The following NPAT variants were observed in gnomAD, a reference collection of about 807,000 sequenced individuals.
The protein encoded by NPAT is protein NPAT.
A neutral mutation model predicts 130.7 loss-of-function variants in NPAT; 52 were observed. The ratio of observed to expected loss-of-function variants is 0.40; its 90% confidence interval spans 0.32 to 0.50. The LOEUF is 0.50. Ranked by LOEUF, NPAT falls within the 20% of genes least tolerant of loss-of-function variation. The probability of loss-of-function intolerance (pLI) is 0.68; values close to 1 mark genes in which losing one functional copy is unlikely to be tolerated. For missense variants in NPAT, 1,687 were observed against 1,662.6 expected, an observed-to-expected ratio of 1.01 and a Z score of -0.26; for synonymous variants, 580 against 584.8, an observed-to-expected ratio of 0.99 and a Z score of 0.12.
intron 10 of NPAT, among the ~76,000 whole-genome samples, chr11:108,183,716 C>G (rs940045633): frequency 6.6e-6 from 1 of 152,124 alleles, no homozygotes; most frequent in Admixed American, 6.6e-5. Flanking sequence ...GCAGGAGAAT[C>G]GTTTGAACTC....
chr11:108,209,820 C>T lies in NPAT; in HGVS notation c.38-12400G>A, dbSNP rs552647379. 1.3e-4 allele frequency among the ~76,000 whole-genome samples: 18 copies of T among 139,734 alleles called. 1 individual carries two copies. Among genetic ancestry groups the T allele is most frequent in the African/African-American group, 4.9e-4 (18 of 36,770 alleles). The allele number at this position is 139,734 out of a possible 152,430, so 91.7% of individuals were successfully genotyped here. ...AGGAGAATGGCATGAACCTGGGAGG[C>T]AGAGCTTGCAGTGAGCGGAGATCAT... On this transcript the variant is annotated intron_variant, in intron 1 of 17. Coordinates refer to ENST00000278612, the MANE Select transcript of NPAT (RefSeq NM_002519.3).
In NPAT at chr11:108,189,330, G is replaced by C. The variant is rs1211676527; in HGVS notation, c.332C>G (p.Ala111Gly). ...TTCTGCAATTCCAGTTCTCGTTCGG[G>C]CTGAAACATATAAGCATTTAAAAAA... ...SSPRFAGSQRARTRTGIAEIK... is the reference protein window; with the variant it reads ...SSPRFAGSQRGRTRTGIAEIK... Residue 111 changes from alanine (A) to glycine (G), a missense_variant and splice_region_variant, in exon 6 of 18, where the codon GCC becomes GGC. By Grantham distance (60) the Ala-to-Gly change is moderately conservative. This residue lies in a region of NPAT where 307 missense variants were observed against 298.9 expected (regional missense o/e 1.03). Transcript: ENST00000278612. 1 of 1,613,916 alleles carries C rather than the reference G, an allele frequency of 6.2e-7. No individual in the cohort carries two copies. Among genetic ancestry groups the C allele is most frequent in the East Asian group, 2.2e-5 (1 of 44,890 alleles).
chr11:108,162,060 C>T (rs751945863), intron 16 of NPAT, 46 bp from the exon 17 acceptor site: 1 of 1,607,600 alleles, frequency 6.2e-7, no homozygotes. Context: ...ATAAAGAAAT[C>T]CTTTATGTTT....
chr11:108,181,405 CA>C (rs2078056948), intron 10 of NPAT, among the ~76,000 whole-genome samples: 2 of 151,996 alleles, frequency 1.3e-5, no homozygotes, highest in Admixed American at 6.6e-5. Context: ...GCAGAGATTG[CA>C]GCAAGCTGAG....
intron 7 of NPAT, among the ~76,000 whole-genome samples, chr11:108,187,823 A>G (rs1565317930): frequency 6.6e-6 from 1 of 152,226 alleles, no homozygotes; most frequent in African/African-American, 2.4e-5. Flanking sequence ...AAAATCTCAG[A>G]TAACATCATT....
At position 108,192,153 on chromosome 11, in the gene NPAT, T is replaced by C. The variant is rs139779135; in HGVS notation, c.255A>G (p.Leu85=). ...AAAGTGTATGGTCCAATTTCTTCCA[T>C]AGAGATGACATTATTGCTGGGACAT... The part of the protein sequence containing the change: ...SNNVPAIMSS[L]WKKLDHTLSQ... The change falls in exon 4 of 18, where the codon CTA becomes CTG. Residue 85 remains leucine (L), a synonymous_variant. Coordinates refer to ENST00000278612, the MANE Select transcript of NPAT (RefSeq NM_002519.3). The C allele has an allele frequency of 7.2e-5, 115 of 1,607,136 alleles. No individual in the cohort carries two copies. In the African/African-American group the frequency reaches 1.2e-3, roughly 17 times the overall value.
chr11:108,172,754 T>C lies in NPAT; in HGVS notation c.2230A>G (p.Ile744Val). 1 of 1,613,592 alleles carries C rather than the reference T, an allele frequency of 6.2e-7. No individual in the cohort carries two copies. The highest frequency in any genetic ancestry group is 8.5e-7 in the Non-Finnish European group (1 of 1,180,020). Reference sequence around the variant, plus strand: ...GAGGAAACAAATGGATCATCACTAATGATAACTTTGAGAGAGACGATATTT... The same window carrying C: ...GAGGAAACAAATGGATCATCACTAACGATAACTTTGAGAGAGACGATATTT... The part of the protein sequence containing the change: ...ASNIVSLKVI[I>V]SDDPFVSSDT... Residue 744 changes from isoleucine to valine, a missense_variant, in exon 13 of 18, where the codon ATT becomes GTT. Physicochemically the swap from Ile to Val is conservative, Grantham distance 29. Coordinates refer to ENST00000278612, the MANE Select transcript of NPAT (RefSeq NM_002519.3).
chr11:108,165,472 A>ATTTT (rs377194780), intron 15 of NPAT, among the ~76,000 whole-genome samples: 2,388 of 129,688 alleles, frequency 0.018, 95 homozygotes, highest in African/African-American at 0.066. Context: ...ATATATATAT[A>ATTTT]TTTTTTTTTT....
intron 15 of NPAT, among the ~76,000 whole-genome samples, chr11:108,164,419 G>A (rs749801454): frequency 5.3e-5 from 8 of 152,230 alleles, no homozygotes; most frequent in Non-Finnish European, 7.3e-5. Flanking sequence ...GTAGAAGAAT[G>A]TGGATATGTA....
chr11:108,172,952 C>T lies in NPAT; in HGVS notation c.2032G>A (p.Gly678Arg), dbSNP rs540109611. ...EENTIFLSLG[G>R]NANCEKVALT... ...GCAACTTTCTCACAGTTAGCATTTC[C>T]ACCTAAAGAGAGAAAAATAGTATTC... Residue 678 changes from glycine to arginine, a missense_variant, in exon 13 of 18, where the codon GGA becomes AGA. Physicochemically the swap from Gly to Arg is moderately radical, Grantham distance 125 (BLOSUM62 -2). Coordinates refer to ENST00000278612, the MANE Select transcript of NPAT (RefSeq NM_002519.3). 102 of 1,614,102 alleles carry T rather than the reference C, an allele frequency of 6.3e-5. 2 individuals carry two copies. The South Asian group carries it at 1.1e-3, about 17-fold the overall frequency.
intron 1 of NPAT, among the ~76,000 whole-genome samples, chr11:108,202,078 A>G (rs1227287970): frequency 1.3e-5 from 2 of 152,138 alleles, no homozygotes; most frequent in African/African-American, 4.8e-5. Context: ...TGCCCTCACA[A>G]AGGTGCTTGA....
At chr11:108,199,214 G>GT (rs1371222362) in intron 1 of NPAT, among the ~76,000 whole-genome samples, 1 of 152,210 alleles carries the variant, frequency 6.6e-6, no homozygotes, top group East Asian at 1.9e-4. Flanking sequence ...GTGGTTGCTG[G>GT]TATCTCCAAG....
At chr11:108,201,613 G>A (rs781021041) in intron 1 of NPAT, among the ~76,000 whole-genome samples, 3 of 152,156 alleles carry the variant, frequency 2.0e-5, no homozygotes, top group African/African-American at 7.2e-5. Flanking sequence ...GCCTGCCTCC[G>A]GGCAGTCACA....
At chr11:108,185,573 C>T (rs1453544428) in intron 8 of NPAT, 79 bp from the exon 9 acceptor site, 23 of 959,420 alleles carry the variant, frequency 2.4e-5, no homozygotes, top group East Asian at 5.2e-5. Context: ...AAGAACAAAC[C>T]GATAAGAGCT....
At chr11:108,189,877 A>C (rs999807345) in intron 5 of NPAT, among the ~76,000 whole-genome samples, 1 of 151,438 alleles carries the variant, frequency 6.6e-6, no homozygotes, top group Admixed American at 6.6e-5. Flanking sequence ...CTCAAAAAAA[A>C]AAAAAAACAA....
intron 15 of NPAT, 107 bp from the exon 16 acceptor site, chr11:108,162,287 C>T (rs1035495962): frequency 5.2e-5 from 48 of 925,732 alleles, no homozygotes; most frequent in Non-Finnish European, 7.5e-5. Context: ...TAAATGGTAG[C>T]TAATGTACAC....
In NPAT at chr11:108,157,234, T is replaced by C. The variant is rs1445036862; in HGVS notation, c.*1708A>G. The C allele has an allele frequency of 6.6e-6, 1 of 151,990 alleles. No individual in the cohort carries two copies. The highest frequency in any genetic ancestry group is 6.6e-5 in the Admixed American group (1 of 15,262). 9.4% of individuals were successfully genotyped at this position (151,990 alleles called of 1,614,324 possible). The stretch of plus-strand genomic sequence containing the variant: ...CTTGAAGAAAGTAAACTTATTTTAT[T>C]TGTATATGAATTTTCAGTGCTTAGT... On this transcript the variant is annotated 3_prime_UTR_variant, in exon 18 of 18. Transcript: ENST00000278612.
chr11:108,212,430 CAGG>C (rs1361560207), intron 1 of NPAT, among the ~76,000 whole-genome samples: 3 of 150,598 alleles, frequency 2.0e-5, no homozygotes, highest in African/African-American at 7.3e-5. Context: ...GAGGCAGAGG[CAGG>C]AGAATTGCTT....
At chr11:108,165,312 ATGT>A (rs2077890770) in intron 15 of NPAT, among the ~76,000 whole-genome samples, 7 of 151,692 alleles carry the variant, frequency 4.6e-5, no homozygotes, top group Non-Finnish European at 8.8e-5. Context: ...AGACAGGTCT[ATGT>A]TGCCCAGGCT....
Sources: allele counts gnomAD v4.1 joint callset (sites outside exome capture counted in the v4.1 genomes callset), GRCh38; gene constraint gnomAD v4.1.1; regional missense constraint gnomAD v4.1.1; transcripts MANE v1.5; gene names NCBI Gene and HGNC (gene_info 2026-07-23, HGNC 2026-07-21).